NIPBL: variants seen among roughly 807,000 people sequenced by gnomAD.
NIPBL encodes the protein nipped-B-like protein.
NIPBL carries 19 observed loss-of-function variants against 321.8 expected under a neutral mutation model. The observed-to-expected ratio is 0.06, with a 90% confidence interval of 0.04 to 0.09. The LOEUF (loss-of-function observed/expected upper bound fraction) is 0.09. Among genes scored for constraint, NIPBL ranks in the 10% least tolerant of loss-of-function variants. NIPBL has a pLI of 1.00. For missense variants in NIPBL, 2,210 were observed against 3,327.0 expected (o/e 0.66, Z 8.26); for synonymous variants, 1,106 against 1,114.1 (o/e 0.99, Z 0.14).
intron 4 of NIPBL, among the ~76,000 whole-genome samples, chr5:36,958,464 C>G (rs1171588246): frequency 6.6e-6 from 1 of 152,124 alleles, no homozygotes; most frequent in East Asian, 1.9e-4. Context: ...TGGAATATAT[C>G]AGTTTACTCA....
At position 36,985,728 on chromosome 5, in the gene NIPBL, A is replaced by G. The variant is rs975779242; in HGVS notation, c.2548A>G (p.Ser850Gly). The G allele has an allele frequency of 3.7e-5, 59 of 1,613,790 alleles. No homozygotes were observed. The highest frequency in any genetic ancestry group is 4.7e-5 in the Non-Finnish European group (56 of 1,179,950). ...VRRPETLRSSSRNEHGIKSDS... is the reference protein window; with the variant it reads ...VRRPETLRSSGRNEHGIKSDS... Reference sequence around the variant, plus strand: ...AAGACCAGAAACATTGAGATCCTCTAGTAGAAATGAACATGGCATTAAATC... The same window carrying G: ...AAGACCAGAAACATTGAGATCCTCTGGTAGAAATGAACATGGCATTAAATC... The change falls in exon 10 of 47, where the codon AGT (serine) becomes GGT (glycine). Residue 850 changes from serine (S) to glycine (G), a missense_variant. Ser to Gly is a moderately conservative substitution (Grantham distance 56, BLOSUM62 0). Around this residue, in one of 14 missense-constraint regions of NIPBL, gnomAD observed 588 missense variants for 564.1 expected, o/e 1.04. Transcript: ENST00000282516.
At position 36,876,946 on chromosome 5, in the gene NIPBL, T is replaced by A. The variant is rs540966156; in HGVS notation, c.-312T>A. On this transcript the variant is annotated 5_prime_UTR_variant, in exon 1 of 47. The change abolishes the stop of an existing upstream ORF in the 5' untranslated region. Transcript: ENST00000282516. ...CGGGCCCGCGGCGATGCCCCCCCGGTAGCTCGGGCCCGTGGTCGGGTGTTT... is the reference window on the plus strand; with the variant it reads ...CGGGCCCGCGGCGATGCCCCCCCGGAAGCTCGGGCCCGTGGTCGGGTGTTT... 1,293 of 347,926 alleles carry A rather than the reference T, an allele frequency of 3.7e-3. 6 individuals carry two copies. The highest frequency in any genetic ancestry group is 0.014 in the Middle Eastern group (18 of 1,304). The allele number at this position is 347,926 out of a possible 1,614,324, so 21.6% of individuals were successfully genotyped here. A position where few individuals can be genotyped will look rare whatever the true frequency, so the allele number is the denominator to read the frequency against.
chr5:36,989,092 A>G (rs1469250808), intron 10 of NIPBL, among the ~76,000 whole-genome samples: 4 of 152,176 alleles, frequency 2.6e-5, no homozygotes, highest in African/African-American at 9.6e-5. Flanking sequence ...GCTTTTGTGT[A>G]CAGATTAAAA....
intron 30 of NIPBL, 108 bp from the exon 31 acceptor site, chr5:37,026,113 CAGTTTGTG>C: frequency 1.6e-6 from 1 of 637,934 alleles, no homozygotes; most frequent in Non-Finnish European, 2.9e-6. Flanking sequence ...AAATTCCTGG[CAGTTTGTG>C]TTTTGATTAG....
chr5:37,043,015 G>C (rs1008816015), intron 34 of NIPBL, among the ~76,000 whole-genome samples: 1 of 151,506 alleles, frequency 6.6e-6, no homozygotes, highest in African/African-American at 2.4e-5. Context: ...TCTACCTTTT[G>C]GTTTTTTTTA....
At position 37,035,102 on chromosome 5, in the gene NIPBL, C is replaced by T. The variant is rs7717180; in HGVS notation, c.5863-1277C>T. Among the ~76,000 whole-genome samples the T allele has an allele frequency of 9.7e-4, 147 of 152,294 alleles. 1 individual carries two copies. The highest frequency in any genetic ancestry group is 3.4e-3 in the African/African-American group (141 of 41,572). The stretch of plus-strand genomic sequence containing the variant: ...CCCAAGAGTTTGAGACCAGCTTGGG[C>T]AACATAGAGAACCCCATCTCTACAA... On this transcript the variant is annotated intron_variant, in intron 32 of 46. Coordinates refer to ENST00000282516, the MANE Select transcript of NIPBL (RefSeq NM_133433.4).
At chr5:37,012,478 T>TA in intron 21 of NIPBL, among the ~76,000 whole-genome samples, 1 of 148,868 alleles carries the variant, frequency 6.7e-6, no homozygotes, top group East Asian at 1.9e-4. Flanking sequence ...TTTTTTTTTT[T>TA]TTTATTCATT....
intron 42 of NIPBL, among the ~76,000 whole-genome samples, chr5:37,056,154 G>A (rs1754069117): frequency 6.6e-6 from 1 of 152,120 alleles, no homozygotes; most frequent in African/African-American, 2.4e-5. Flanking sequence ...AAAACTAATA[G>A]ATGAGGTAGG....
Position 37,064,433 on chromosome 5 carries a change from C to T in NIPBL, c.8050-94C>T, listed in dbSNP as rs951447827. ...AAGTGTGCCGGGAAATCCCAACTCC[C>T]GGCGTCAAGGGATTAAAAGCAATAA... On this transcript the variant is annotated intron_variant, in intron 46 of 46. Transcript: ENST00000282516. 1.3e-4 allele frequency: 206 copies of T among 1,576,922 alleles called. 1 individual carries two copies. The highest frequency in any genetic ancestry group is 1.5e-4 in the Non-Finnish European group (181 of 1,168,538).
At chr5:36,911,835 A>G (rs1748074099) in intron 1 of NIPBL, among the ~76,000 whole-genome samples, 1 of 152,234 alleles carries the variant, frequency 6.6e-6, no homozygotes, top group South Asian at 2.1e-4. Context: ...AACTGAAATT[A>G]GGAAAGCAAT....
At chr5:36,897,496 A>C (rs577732830) in intron 1 of NIPBL, among the ~76,000 whole-genome samples, 4 of 152,292 alleles carry the variant, frequency 2.6e-5, no homozygotes, top group Admixed American at 2.6e-4. Context: ...TTTTCCAAAT[A>C]ATACATGTCA....
At chr5:36,912,986 G>C (rs1343463572) in intron 1 of NIPBL, among the ~76,000 whole-genome samples, 1 of 152,080 alleles carries the variant, frequency 6.6e-6, no homozygotes, top group Non-Finnish European at 1.5e-5. Context: ...AACAATTGGC[G>C]TTAAGTTTTC....
intron 7 of NIPBL, among the ~76,000 whole-genome samples, 155 bp downstream of exon 7, chr5:36,971,191 G>C (rs765637638): frequency 9.2e-5 from 14 of 151,778 alleles, no homozygotes; most frequent in Non-Finnish European, 1.6e-4. Context: ...GCTTAGTCTA[G>C]AGCAGGATTG....
chr5:36,949,855 G>A (rs1740074720), intron 1 of NIPBL, among the ~76,000 whole-genome samples: 1 of 151,828 alleles, frequency 6.6e-6, no homozygotes, highest in Non-Finnish European at 1.5e-5. Flanking sequence ...TGTAAATTTT[G>A]TTGTGAAATT....
At chr5:37,062,689 G>A (rs1303460289) in intron 45 of NIPBL, among the ~76,000 whole-genome samples, 1 of 152,210 alleles carries the variant, frequency 6.6e-6, no homozygotes, top group Non-Finnish European at 1.5e-5. Context: ...GGAGGCCTAT[G>A]TAGGAGGTTT....
intron 42 of NIPBL, 93 bp from the exon 43 acceptor site, chr5:37,057,093 G>A: frequency 1.6e-6 from 2 of 1,260,014 alleles, no homozygotes; most frequent in Non-Finnish European, 2.2e-6. Context: ...ATTAAGTGAG[G>A]TGAAAGTGCC....
intron 17 of NIPBL, 115 bp downstream of exon 17, chr5:37,006,703 T>G (rs1254255737): frequency 1.5e-6 from 1 of 653,562 alleles, no homozygotes; most frequent in African/African-American, 1.8e-5. Flanking sequence ...TAAACACTGA[T>G]TTTGATTATG....
chr5:36,930,989 C>T lies in NIPBL; in HGVS notation c.-79-22629C>T, dbSNP rs112860586. On this transcript the variant is annotated intron_variant, in intron 1 of 46. Coordinates refer to ENST00000282516, the MANE Select transcript of NIPBL (RefSeq NM_133433.4). ...ATGTGTGTTCATGAGGGATATTGGT[C>T]TGTAGTTTTCTTGCATTGTCTCTGT... 1.4e-4 allele frequency among the ~76,000 whole-genome samples: 21 copies of T among 152,202 alleles called. 1 individual carries two copies. The highest frequency in any genetic ancestry group is 5.1e-4 in the African/African-American group (21 of 41,552).
chr5:37,013,554 C>T (rs2149686740), intron 21 of NIPBL, among the ~76,000 whole-genome samples: 1 of 151,908 alleles, frequency 6.6e-6, no homozygotes, highest in South Asian at 2.1e-4. Context: ...CAGAGACGCT[C>T]CTCACATACC....
Sources: allele counts gnomAD v4.1 joint callset (sites outside exome capture counted in the v4.1 genomes callset), GRCh38; gene constraint gnomAD v4.1.1; regional missense constraint gnomAD v4.1.1; transcripts MANE v1.5; gene names NCBI Gene and HGNC (gene_info 2026-07-23, HGNC 2026-07-21).